STAB2: variants seen among roughly 807,000 people sequenced by gnomAD.
The protein encoded by STAB2 is stabilin 2, also known as stabilin-2.
A neutral mutation model predicts 338.1 loss-of-function variants in STAB2; 288 were observed. The observed-to-expected ratio is 0.85, with a 90% CI of 0.77 to 0.94. The LOEUF (loss-of-function observed/expected upper bound fraction) is 0.94, where lower values mean the gene tolerates loss of function less well. Ranked by LOEUF, STAB2 falls within the 40% of genes least tolerant of loss-of-function variation. The pLI, the probability that STAB2 is intolerant of heterozygous loss-of-function variation, is 0.00. For missense variants in STAB2, 3,141 were observed against 3,210.1 expected, an observed-to-expected ratio of 0.98 and a Z score of 0.52; for synonymous variants, 1,202 against 1,193.3, an observed-to-expected ratio of 1.01 and a Z score of -0.15.
At chr12:103,621,913 A>C in intron 4 of STAB2, 129 bp from the exon 5 acceptor site, 1 of 765,864 alleles carries the variant, frequency 1.3e-6, no homozygotes, top group South Asian at 1.8e-5. Flanking sequence ...AAACAGAAAG[A>C]AGAAGCTCCA....
At position 103,670,716 on chromosome 12, in the gene STAB2, C is replaced by T. The variant is rs764806720; in HGVS notation, c.2280C>T (p.Gly760=). The T allele has an allele frequency of 1.9e-6, 3 of 1,613,986 alleles. No homozygotes were observed. The highest frequency in any genetic ancestry group is 2.7e-5 in the African/African-American group (2 of 74,922). ...CCCAGTGTGCAGATAGCCTCGGCGG[C>T]AACGGGACATGCATTTGTGAGGAGG... ...GNGQCADSLG[G]NGTCICEEGF... The change falls in exon 22 of 69, where the codon GGC becomes GGT. Residue 760 remains glycine, a synonymous_variant. Transcript: ENST00000388887.
In STAB2 at chr12:103,637,103, C is replaced by G; in HGVS notation, c.584-8C>G. The G allele has an allele frequency of 6.3e-7, 1 of 1,593,784 alleles. No individual in the cohort carries two copies. Among genetic ancestry groups the G allele is most frequent in the Non-Finnish European group, 8.5e-7 (1 of 1,172,750 alleles). On this transcript the variant is annotated splice_region_variant and splice_polypyrimidine_tract_variant and intron_variant, in intron 6 of 68. Transcript: ENST00000388887. ...TAATGCAAGTACTTCAACAATTTTCCTATGCAGCCATCCCTGAATGTGCAG... is the reference window on the plus strand; with the variant it reads ...TAATGCAAGTACTTCAACAATTTTCGTATGCAGCCATCCCTGAATGTGCAG...
chr12:103,762,279 G>C lies in STAB2; in HGVS notation c.7365G>C (p.Leu2455Phe). 6.2e-7 allele frequency: 1 copy of C among 1,614,182 alleles called. No homozygotes were observed. Among genetic ancestry groups the C allele is most frequent in the South Asian group, 1.1e-5 (1 of 91,074 alleles). ...TTTCCTTTCTTTGTGTTCAGACCTTGACCCACACTGGCTTGGGAGCAGGGA... is the reference window on the plus strand; with the variant it reads ...TTTCCTTTCTTTGTGTTCAGACCTTCACCCACACTGGCTTGGGAGCAGGGA... ...PLKAPPAPVT[L>F]THTGLGAGIF... The change falls in exon 67 of 69, where the codon TTG becomes TTC. Residue 2455 changes from leucine (L) to phenylalanine (F), a missense_variant. Physicochemically the swap from Leu to Phe is conservative, Grantham distance 22. Transcript: ENST00000388887.
intron 13 of STAB2, 44 bp from the exon 14 acceptor site, chr12:103,655,207 C>A: frequency 6.5e-7 from 1 of 1,539,522 alleles, no homozygotes; most frequent in Non-Finnish European, 8.9e-7. Flanking sequence ...TCCTAAATCA[C>A]AATATTTTAT....
Position 103,695,639 on chromosome 12 carries a change from C to T in STAB2, c.3465C>T (p.Gly1155=), listed in dbSNP as rs1428528990. ...TGCCTGACTATTCCATCTTCCGGGG[C>T]TACATCATTGCAAGTACCACATTCT... ...EQMPDYSIFR[G]YIIQYNLANA... Residue 1155 remains glycine, a synonymous_variant, in exon 32 of 69, where the codon GGC becomes GGT. Transcript: ENST00000388887. 6.2e-7 allele frequency: 1 copy of T among 1,614,196 alleles called. No individual in the cohort carries two copies. The highest frequency in any genetic ancestry group is 2.2e-5 in the East Asian group (1 of 44,888).
Position 103,729,014 on chromosome 12 carries a change from T to C in STAB2, c.5082+19T>C. 1 of 1,612,882 alleles carries C rather than the reference T, an allele frequency of 6.2e-7. No homozygotes were observed. The highest frequency in any genetic ancestry group is 8.5e-7 in the Non-Finnish European group (1 of 1,179,218). ...CTCTCAGGTAGATGCCAGTTATCCTTAGGTCCTCTCTCCCCTAGATCATGT... is the reference window on the plus strand; with the variant it reads ...CTCTCAGGTAGATGCCAGTTATCCTCAGGTCCTCTCTCCCCTAGATCATGT... On this transcript the variant is annotated intron_variant, in intron 48 of 68. Coordinates refer to ENST00000388887, the MANE Select transcript of STAB2 (RefSeq NM_017564.10).
chr12:103,638,309 C>A, intron 8 of STAB2, 97 bp downstream of exon 8: 1 of 1,350,692 alleles, frequency 7.4e-7, no homozygotes, highest in Non-Finnish European at 1.0e-6. Flanking sequence ...CCAATTCTCC[C>A]TTTCAATGTT....
chr12:103,626,979 T>C (rs1252553982), intron 5 of STAB2, among the ~76,000 whole-genome samples: 1 of 152,158 alleles, frequency 6.6e-6, no homozygotes, highest in African/African-American at 2.4e-5. Context: ...CACACAACCA[T>C]GTACTGTTAA....
chr12:103,643,594 A>T (rs1251506478), intron 9 of STAB2, among the ~76,000 whole-genome samples: 3 of 152,066 alleles, frequency 2.0e-5, no homozygotes, highest in Non-Finnish European at 4.4e-5. Flanking sequence ...TGTGATAAGG[A>T]TGTAGCACAG....
intron 3 of STAB2, among the ~76,000 whole-genome samples, chr12:103,606,700 G>A (rs951347217): frequency 3.3e-5 from 5 of 152,034 alleles, no homozygotes; most frequent in Non-Finnish European, 7.4e-5. Context: ...AATAAGATCT[G>A]CTGGCCAGGC....
At chr12:103,675,261 A>G (rs1876229168) in intron 23 of STAB2, among the ~76,000 whole-genome samples, 1 of 152,204 alleles carries the variant, frequency 6.6e-6, no homozygotes, top group South Asian at 2.1e-4. Flanking sequence ...GCCACCTTTA[A>G]TAGTAAAAGT....
Position 103,708,521 on chromosome 12 carries a change from G to A in STAB2, c.4273G>A (p.Val1425Met). Residue 1425 changes from valine (V) to methionine (M), a missense_variant, in exon 39 of 69, where the codon GTG (valine) becomes ATG (methionine). Val to Met is a conservative substitution (Grantham distance 21). Coordinates refer to ENST00000388887, the MANE Select transcript of STAB2 (RefSeq NM_017564.10). ...SCDCDVGWRGVHCDNATTEDN... is the reference protein window; with the variant it reads ...SCDCDVGWRGMHCDNATTEDN... ...TGACTGTGATGTTGGCTGGCGAGGAGTGCATTGTGACAATGGTAAGAGTGA... is the reference window on the plus strand; with the variant it reads ...TGACTGTGATGTTGGCTGGCGAGGAATGCATTGTGACAATGGTAAGAGTGA... The A allele has an allele frequency of 1.2e-6, 2 of 1,614,044 alleles. No homozygotes were observed. Among genetic ancestry groups the A allele is most frequent in the South Asian group, 2.2e-5 (2 of 91,072 alleles).
chr12:103,620,145 T>C (rs7970860), intron 3 of STAB2, among the ~76,000 whole-genome samples: 3,402 of 152,306 alleles, frequency 0.022, 120 homozygotes, highest in African/African-American at 0.074. Context: ...TCTGAAACTG[T>C]CTTTTCATCT....
chr12:103,617,923 T>C (rs1367185312), intron 3 of STAB2, among the ~76,000 whole-genome samples: 1 of 152,204 alleles, frequency 6.6e-6, no homozygotes, highest in African/African-American at 2.4e-5. Flanking sequence ...CGTTTACTAA[T>C]ATTCTGGATG....
chr12:103,712,312 G>T, intron 40 of STAB2, 55 bp from the exon 41 acceptor site: 1 of 1,335,376 alleles, frequency 7.5e-7, no homozygotes, highest in Non-Finnish European at 1.1e-6. Context: ...TGTGAGTCAT[G>T]TGGTGGGAGG....
intron 21 of STAB2, among the ~76,000 whole-genome samples, chr12:103,669,863 G>A (rs551495531): frequency 3.9e-5 from 6 of 152,308 alleles, no homozygotes; most frequent in Middle Eastern, 3.4e-3. Context: ...GCTGCAGGAC[G>A]TTGGGTAACT....
chr12:103,690,886 A>G (rs1251977695), intron 30 of STAB2, among the ~76,000 whole-genome samples: 1 of 152,246 alleles, frequency 6.6e-6, no homozygotes, highest in Admixed American at 6.5e-5. Context: ...TAGTAATTGA[A>G]TCTGTATAGA....
intron 15 of STAB2, among the ~76,000 whole-genome samples, chr12:103,659,642 A>C (rs7315384): frequency 0.29 from 44,452 of 151,866 alleles, 6,860 homozygotes; most frequent in South Asian, 0.4. Context: ...GTGTTCCTCA[A>C]CTCTGCAGCC....
At chr12:103,743,764 T>C (rs1200123194) in intron 56 of STAB2, among the ~76,000 whole-genome samples, 3 of 152,092 alleles carry the variant, frequency 2.0e-5, no homozygotes, top group African/African-American at 4.8e-5. Context: ...GATGAGCAAG[T>C]GCAAAGGCCC....
Sources: gnomAD v4.1 joint callset for allele counts (sites outside exome capture counted in the v4.1 genomes callset) on GRCh38, gnomAD v4.1.1 for gene constraint, MANE v1.5 for transcripts, NCBI Gene and HGNC (gene_info 2026-07-23, HGNC 2026-07-21) for gene names.